The following PDZRN4 variants were observed in gnomAD, a reference collection of about 807,000 sequenced individuals.
PDZRN4 encodes PDZ domain-containing RING finger protein 4.
In PDZRN4, 70 loss-of-function variants were observed where a neutral mutation model predicts 99.0. The ratio of observed to expected loss-of-function variants is 0.71; its 90% CI spans 0.58 to 0.86. The LOEUF (loss-of-function observed/expected upper bound fraction) is 0.86. Among genes scored for constraint, PDZRN4 ranks in the 40% least tolerant of loss-of-function variants. PDZRN4 has a pLI of 0.00. For missense variants in PDZRN4, 1,474 were observed against 1,331.2 expected (o/e 1.11, Z -1.67); for synonymous variants, 551 against 501.6 (o/e 1.10, Z -1.32).
intron 3 of PDZRN4, among the ~76,000 whole-genome samples, chr12:41,338,262 C>A (rs1951789851): frequency 6.6e-6 from 1 of 151,984 alleles, no homozygotes; most frequent in South Asian, 2.1e-4. Context: ...CCTGAAAGTA[C>A]AATTAATTAA....
intron 3 of PDZRN4, among the ~76,000 whole-genome samples, chr12:41,310,754 T>C (rs564297797): frequency 6.6e-6 from 1 of 152,256 alleles, no homozygotes; most frequent in Non-Finnish European, 1.5e-5. Flanking sequence ...CATGTTGTAA[T>C]ATTTTATTCA....
At chr12:41,249,720 T>G (rs75231643) in intron 3 of PDZRN4, among the ~76,000 whole-genome samples, 1 of 152,212 alleles carries the variant, frequency 6.6e-6, no homozygotes, top group African/African-American at 2.4e-5. Flanking sequence ...TGAAGTATTA[T>G]GCAGCCTTCC....
rs554054647 is a variant in PDZRN4 at position 41,473,116 on chromosome 12, G to A, written c.844-33340G>A. Among the ~76,000 whole-genome samples the A allele has an allele frequency of 2.6e-5, 4 of 151,896 alleles. No individual in the cohort carries two copies. The East Asian group carries it at 7.7e-4, about 29-fold the overall frequency. On this transcript the variant is annotated intron_variant, in intron 3 of 9. Transcript: ENST00000402685. ...AGTTTTGTTTTATTTTTTAAGTAAAGCCTTATGGAATAGATAAAATATATT... is the reference window on the plus strand; with the variant it reads ...AGTTTTGTTTTATTTTTTAAGTAAAACCTTATGGAATAGATAAAATATATT...
At chr12:41,415,316 T>C (rs558883007) in intron 3 of PDZRN4, among the ~76,000 whole-genome samples, 1 of 149,322 alleles carries the variant, frequency 6.7e-6, no homozygotes, top group Non-Finnish European at 1.5e-5. Flanking sequence ...AAATTTATTA[T>C]ATATATGAAA....
intron 3 of PDZRN4, among the ~76,000 whole-genome samples, chr12:41,477,016 A>G (rs766679272): frequency 4.6e-5 from 7 of 152,234 alleles, no homozygotes; most frequent in Non-Finnish European, 8.8e-5. Context: ...GTCATTTTGC[A>G]TGAGCAACTT....
At chr12:41,291,783 T>C (rs1489126659) in intron 3 of PDZRN4, among the ~76,000 whole-genome samples, 1 of 152,132 alleles carries the variant, frequency 6.6e-6, no homozygotes, top group African/African-American at 2.4e-5. Flanking sequence ...GGAGGATCTA[T>C]GGCAGGGTGG....
At chr12:41,487,083 G>A (rs1019167201) in intron 3 of PDZRN4, among the ~76,000 whole-genome samples, 1 of 151,942 alleles carries the variant, frequency 6.6e-6, no homozygotes, top group Non-Finnish European at 1.5e-5. Flanking sequence ...CATAGCAGTT[G>A]ACACATAATC....
At chr12:41,284,946 G>A in intron 3 of PDZRN4, among the ~76,000 whole-genome samples, 1 of 151,978 alleles carries the variant, frequency 6.6e-6, no homozygotes, top group East Asian at 1.9e-4. Flanking sequence ...ACATAGCATG[G>A]GCAAGGACTT....
intron 3 of PDZRN4, among the ~76,000 whole-genome samples, chr12:41,355,395 C>G (rs1278100421): frequency 6.6e-6 from 1 of 151,978 alleles, no homozygotes; most frequent in East Asian, 1.9e-4. Context: ...TATAATTAGG[C>G]AGACCAGATT....
At chr12:41,252,608 C>T (rs898933186) in intron 3 of PDZRN4, among the ~76,000 whole-genome samples, 5 of 152,048 alleles carry the variant, frequency 3.3e-5, no homozygotes, top group African/African-American at 1.2e-4. Context: ...GATATGATGG[C>T]ACACACCTGT....
At chr12:41,450,069 A>T (rs1489861871) in intron 3 of PDZRN4, among the ~76,000 whole-genome samples, 1 of 152,052 alleles carries the variant, frequency 6.6e-6, no homozygotes, top group Non-Finnish European at 1.5e-5. Context: ...TATCCAAATT[A>T]AAATCATATA....
chr12:41,467,515 C>G (rs1426394792), intron 3 of PDZRN4, among the ~76,000 whole-genome samples: 1 of 152,144 alleles, frequency 6.6e-6, no homozygotes, highest in Non-Finnish European at 1.5e-5. Flanking sequence ...TTGAGTGTGT[C>G]AAGTTGAATG....
intron 5 of PDZRN4, among the ~76,000 whole-genome samples, chr12:41,524,886 T>C (rs1938546219): frequency 6.6e-6 from 1 of 152,106 alleles, no homozygotes; most frequent in Non-Finnish European, 1.5e-5. Flanking sequence ...ATTTGGTCAG[T>C]TAGTAGAAGG....
intron 3 of PDZRN4, among the ~76,000 whole-genome samples, chr12:41,489,327 A>C (rs1485295969): frequency 6.6e-6 from 1 of 152,130 alleles, no homozygotes; most frequent in East Asian, 1.9e-4. Flanking sequence ...TCCTTAATGC[A>C]GAAGACAGCC....
At chr12:41,526,001 G>A (rs1172832333) in intron 5 of PDZRN4, among the ~76,000 whole-genome samples, 2 of 152,120 alleles carry the variant, frequency 1.3e-5, no homozygotes, top group Admixed American at 1.3e-4. Context: ...TGAGGATGAT[G>A]AGAAATAGTT....
At chr12:41,518,296 G>C (rs988997838) in intron 5 of PDZRN4, among the ~76,000 whole-genome samples, 17 of 152,144 alleles carry the variant, frequency 1.1e-4, no homozygotes, top group African/African-American at 4.1e-4. Flanking sequence ...ATGCATTTCA[G>C]ATCCAAAATA....
chr12:41,309,502 T>G lies in PDZRN4; in HGVS notation c.843+115314T>G, dbSNP rs181424792. ...TCCACCCTCACGGCCTAATCATCTC[T>G]CATTAGGCCCCACCTCCCAACATTG... On this transcript the variant is annotated intron_variant, in intron 3 of 9. Transcript: ENST00000402685. 3.3e-5 allele frequency among the ~76,000 whole-genome samples: 5 copies of G among 152,250 alleles called. No individual in the cohort carries two copies. The East Asian group carries it at 9.6e-4, about 29-fold the overall frequency.
intron 3 of PDZRN4, among the ~76,000 whole-genome samples, chr12:41,433,471 A>C (rs1952602000): frequency 6.6e-6 from 1 of 152,326 alleles, no homozygotes; most frequent in East Asian, 1.9e-4. Flanking sequence ...CTACGTGTCT[A>C]CTAATATTCA....
At chr12:41,413,460 T>A (rs918754036) in intron 3 of PDZRN4, among the ~76,000 whole-genome samples, 2 of 152,150 alleles carry the variant, frequency 1.3e-5, no homozygotes, top group Non-Finnish European at 2.9e-5. Flanking sequence ...TATACCACTG[T>A]AAGATGACTA....
Sources: allele counts gnomAD v4.1 joint callset (sites outside exome capture counted in the v4.1 genomes callset), GRCh38; gene constraint gnomAD v4.1.1; transcripts MANE v1.5; gene names NCBI Gene and HGNC (gene_info 2026-07-23, HGNC 2026-07-21).